Variants in DACH1 observed in about 807,000 individuals in gnomAD.
DACH1 encodes the protein dachshund family transcription factor 1.
Under a neutral mutation model 54.2 loss-of-function variants are expected in DACH1, and 12 were observed. That is an observed-to-expected ratio of 0.22 (90% CI 0.14 to 0.36). DACH1 has a LOEUF of 0.36. DACH1 is among the 10% of genes least tolerant of loss of function. DACH1 has a pLI of 1.00. For synonymous variants in DACH1, 386 were observed against 366.2 expected (o/e 1.05, Z -0.62); for missense variants, 805 against 929.8 (o/e 0.87, Z 1.75).
chr13:71,544,067 A>T (rs550808286), intron 6 of DACH1, among the ~76,000 whole-genome samples: 3 of 152,266 alleles, frequency 2.0e-5, no homozygotes, highest in East Asian at 3.9e-4. Context: ...CTTCTCTCTT[A>T]ATACGATAGT....
At chr13:71,552,097 AC>A (rs1298373846) in intron 6 of DACH1, among the ~76,000 whole-genome samples, 3 of 152,166 alleles carry the variant, frequency 2.0e-5, no homozygotes, top group African/African-American at 7.2e-5. Context: ...TCTTATGAAA[AC>A]AAATGAAGAG....
intron 2 of DACH1, among the ~76,000 whole-genome samples, chr13:71,641,094 T>C (rs1331331697): frequency 6.6e-6 from 1 of 151,926 alleles, no homozygotes; most frequent in African/African-American, 2.4e-5. Context: ...TATTTTTACA[T>C]GTAAGTCTTG....
chr13:71,587,961 G>A (rs762491559), intron 3 of DACH1, among the ~76,000 whole-genome samples: 5 of 152,016 alleles, frequency 3.3e-5, no homozygotes, highest in Admixed American at 2.0e-4. Context: ...AATTACATTC[G>A]GTTGGTCCTG....
intron 1 of DACH1, among the ~76,000 whole-genome samples, chr13:71,756,470 C>T (rs1885162381): frequency 6.6e-6 from 1 of 151,636 alleles, no homozygotes; most frequent in Non-Finnish European, 1.5e-5. Flanking sequence ...ATTCAACATT[C>T]TCAGAATATT....
intron 2 of DACH1, among the ~76,000 whole-genome samples, chr13:71,674,075 A>C (rs1880394867): frequency 6.6e-6 from 1 of 152,212 alleles, no homozygotes; most frequent in Non-Finnish European, 1.5e-5. Context: ...AACATTTATT[A>C]GCCATATTCA....
intron 1 of DACH1, among the ~76,000 whole-genome samples, chr13:71,801,222 A>G (rs2138124417): frequency 6.6e-6 from 1 of 152,252 alleles, no homozygotes. Flanking sequence ...CAATCTTCAC[A>G]TAAATAGGGT....
chr13:71,726,077 C>T (rs1883456620), intron 1 of DACH1, among the ~76,000 whole-genome samples: 1 of 152,034 alleles, frequency 6.6e-6, no homozygotes. Flanking sequence ...AGTTGAGGTC[C>T]TCACAGATGC....
At chr13:71,477,080 T>TTTTATATA (rs1555285119) in intron 8 of DACH1, among the ~76,000 whole-genome samples, 1 of 46,254 alleles carries the variant, frequency 2.2e-5, no homozygotes, top group East Asian at 5.4e-4. Flanking sequence ...GTTTTTATTA[T>TTTTATATA]TATATATATA....
At position 71,681,971 on chromosome 13, in the gene DACH1, G is replaced by C. The variant is rs944581751; in HGVS notation, c.849-61C>G. On this transcript the variant is annotated intron_variant, in intron 1 of 10. Transcript: ENST00000613252. ...CTATTGTCTTACACATCATTTCAAA[G>C]TTGTTTCAAGTGGTAACATGGACTG... 4.5e-5 allele frequency: 45 copies of C among 1,004,952 alleles called. No homozygotes were observed. The African/African-American group carries it at 7.1e-4, about 16-fold the overall frequency. The allele number at this position is 1,004,952 out of a possible 1,614,324, so 62.3% of individuals were successfully genotyped here. A position where few individuals can be genotyped will look rare whatever the true frequency, so the allele number is the denominator to read the frequency against.
intron 1 of DACH1, among the ~76,000 whole-genome samples, chr13:71,805,814 T>G (rs1296451987): frequency 6.7e-6 from 1 of 149,244 alleles, no homozygotes; most frequent in Non-Finnish European, 1.5e-5. Flanking sequence ...TTTGAATTCT[T>G]TTTTTTTGAG....
chr13:71,791,834 C>A (rs575968236), intron 1 of DACH1, among the ~76,000 whole-genome samples: 24 of 152,146 alleles, frequency 1.6e-4, no homozygotes, highest in Non-Finnish European at 3.1e-4. Context: ...TATAAAGAAG[C>A]AGATAGCTCC....
chr13:71,542,870 T>C (rs909451980), intron 6 of DACH1, among the ~76,000 whole-genome samples: 1 of 152,142 alleles, frequency 6.6e-6, no homozygotes, highest in African/African-American at 2.4e-5. Context: ...TAATATTCAA[T>C]TTAAACAATA....
chr13:71,726,513 T>A (rs561225233), intron 1 of DACH1, among the ~76,000 whole-genome samples: 2 of 152,068 alleles, frequency 1.3e-5, no homozygotes, highest in African/African-American at 4.8e-5. Flanking sequence ...AATAGAAAAA[T>A]AAAGTGATTT....
Position 71,735,274 on chromosome 13 carries a change from GTA to G in DACH1, c.849-53366_849-53365del, listed in dbSNP as rs1258173876. Among the ~76,000 whole-genome samples, 20 of 35,328 alleles carry G rather than the reference GTA, an allele frequency of 5.7e-4. 2 individuals are homozygous for G. Among genetic ancestry groups the G allele is most frequent in the Admixed American group, 1.5e-3 (4 of 2,740 alleles). 23.2% of individuals were successfully genotyped at this position (35,328 alleles called of 152,430 possible). ...GGATATACGTGTATATGGGATACAC[GTA>G]TGTATATGGGATATACACGTATACG... On this transcript the variant is annotated intron_variant, in intron 1 of 10. Transcript: ENST00000613252.
At chr13:71,794,708 G>C (rs947883176) in intron 1 of DACH1, among the ~76,000 whole-genome samples, 1 of 152,150 alleles carries the variant, frequency 6.6e-6, no homozygotes, top group Non-Finnish European at 1.5e-5. Flanking sequence ...AAAGTGCTGG[G>C]ATTACAGGCG....
At chr13:71,756,032 TA>T (rs1240667976) in intron 1 of DACH1, among the ~76,000 whole-genome samples, 39 of 151,924 alleles carry the variant, frequency 2.6e-4, no homozygotes, top group Non-Finnish European at 5.0e-4. Context: ...AAGACTTTTT[TA>T]TTTTTTTTTT....
At chr13:71,755,114 A>C (rs1345362826) in intron 1 of DACH1, among the ~76,000 whole-genome samples, 1 of 152,186 alleles carries the variant, frequency 6.6e-6, no homozygotes, top group African/African-American at 2.4e-5. Context: ...CACTTGGCTA[A>C]TACTGAATAG....
chr13:71,693,458 A>C (rs1594104407), intron 1 of DACH1, among the ~76,000 whole-genome samples: 1 of 145,864 alleles, frequency 6.9e-6, no homozygotes, highest in African/African-American at 2.6e-5. Flanking sequence ...GCTCACCACC[A>C]CGCCCGGCAA....
intron 1 of DACH1, among the ~76,000 whole-genome samples, chr13:71,796,499 G>A (rs1887056473): frequency 6.6e-6 from 1 of 151,512 alleles, no homozygotes; most frequent in African/African-American, 2.4e-5. Flanking sequence ...CATTAGAAAT[G>A]CCATAATGTT....
Sources: allele counts gnomAD v4.1 joint callset (sites outside exome capture counted in the v4.1 genomes callset), GRCh38; gene constraint gnomAD v4.1.1; transcripts MANE v1.5; gene names NCBI Gene and HGNC (gene_info 2026-07-23, HGNC 2026-07-21).